The following TENT4A variants were observed in gnomAD, a reference collection of about 807,000 sequenced individuals.
The protein encoded by TENT4A is terminal nucleotidyltransferase 4A.
In TENT4A, 7 loss-of-function variants were observed where a neutral mutation model predicts 72.8. The observed-to-expected ratio is 0.10, with a 90% CI of 0.05 to 0.18. TENT4A has a LOEUF of 0.18. TENT4A is among the 10% of genes least tolerant of loss of function. The pLI is 1.00. For synonymous variants in TENT4A, 456 were observed against 434.3 expected (o/e 1.05, Z -0.62); for missense variants, 831 against 1,017.7 (o/e 0.82, Z 2.50).
At chr5:6,734,935 G>A (rs759968035) in intron 1 of TENT4A, among the ~76,000 whole-genome samples, 65 of 152,346 alleles carry the variant, frequency 4.3e-4, no homozygotes, top group Non-Finnish European at 7.8e-4. Context: ...TGTTATCTCC[G>A]TGCTCTTCCT....
chr5:6,751,587 A>G (rs1336246922), intron 11 of TENT4A: 2 of 172,030 alleles, frequency 1.2e-5, no homozygotes, highest in East Asian at 3.2e-4. Flanking sequence ...CAGAATCTCA[A>G]TGAAAGTTTT....
Position 6,714,060 on chromosome 5 carries a change from C to T in TENT4A, c.77C>T (p.Thr26Ile), listed in dbSNP as rs1183098370. 2.0e-6 allele frequency: 2 copies of T among 996,054 alleles called. No homozygotes were observed. The highest frequency in any genetic ancestry group is 2.4e-6 in the Non-Finnish European group (2 of 837,476). 61.7% of individuals were successfully genotyped at this position (996,054 alleles called of 1,614,324 possible). The change falls in exon 1 of 13, where the codon ACC becomes ATC. Residue 26 changes from threonine to isoleucine, a missense_variant. By Grantham distance (89) the Thr-to-Ile change is moderately conservative. Around this residue, in one of 3 missense-constraint regions of TENT4A, gnomAD observed 302 missense variants for 293.8 expected, o/e 1.03. Transcript: ENST00000230859. ...ANALWMQIWE[T>I]SQGVGRGGSG... ...GCCCTGTGGATGCAGATCTGGGAGACCTCGCAGGGCGTGGGCCGCGGCGGC... is the reference window on the plus strand; with the variant it reads ...GCCCTGTGGATGCAGATCTGGGAGATCTCGCAGGGCGTGGGCCGCGGCGGC...
chr5:6,721,070 C>G (rs1334343146), intron 1 of TENT4A, among the ~76,000 whole-genome samples: 1 of 152,148 alleles, frequency 6.6e-6, no homozygotes, highest in Non-Finnish European at 1.5e-5. Context: ...GTGTTTGGCT[C>G]TTGTGGAGTT....
intron 6 of TENT4A, among the ~76,000 whole-genome samples, chr5:6,745,208 G>C (rs932434176): frequency 1.3e-5 from 2 of 152,226 alleles, no homozygotes; most frequent in Non-Finnish European, 2.9e-5. Context: ...TAAAGGTCAG[G>C]CCAGAATCGG....
At chr5:6,726,135 C>T (rs1022551934) in intron 1 of TENT4A, among the ~76,000 whole-genome samples, 3 of 152,132 alleles carry the variant, frequency 2.0e-5, no homozygotes, top group Admixed American at 6.5e-5. Context: ...ACTGTTGCAC[C>T]GAACCCTTAC....
chr5:6,714,763 T>TCCTGGCCGGCGCCCGCGGA, intron 1 of TENT4A, 64 bp downstream of exon 1: 3 of 937,254 alleles, frequency 3.2e-6, no homozygotes, highest in Non-Finnish European at 4.1e-6. Flanking sequence ...GCGCCCGCGG[T>TCCTGGCCGGCGCCCGCGGA]GCAGACACCC....
intron 10 of TENT4A, chr5:6,750,798 T>G: frequency 2.0e-6 from 1 of 511,996 alleles, no homozygotes; most frequent in East Asian, 3.2e-5. Flanking sequence ...ATTTGAAGAT[T>G]AAAAAAAAAA....
intron 1 of TENT4A, among the ~76,000 whole-genome samples, chr5:6,721,905 T>C (rs910372863): frequency 3.9e-5 from 6 of 152,238 alleles, no homozygotes; most frequent in African/African-American, 1.2e-4. Context: ...TTAGGTGATT[T>C]CTGTCTTTCC....
intron 11 of TENT4A, 164 bp downstream of exon 11, chr5:6,751,361 G>A: frequency 4.3e-6 from 3 of 705,346 alleles, no homozygotes; most frequent in Non-Finnish European, 7.1e-6. Context: ...TTTTTGTGGT[G>A]TTGAGGTCCC....
At chr5:6,720,342 C>G (rs1026796675) in intron 1 of TENT4A, among the ~76,000 whole-genome samples, 1 of 152,108 alleles carries the variant, frequency 6.6e-6, no homozygotes, top group Non-Finnish European at 1.5e-5. Context: ...CTTCCCCTGG[C>G]ATAGAATCCG....
chr5:6,737,917 TTTTTTTTTTTG>T (rs1741592398), intron 2 of TENT4A, among the ~76,000 whole-genome samples: 1 of 150,816 alleles, frequency 6.6e-6, no homozygotes, highest in African/African-American at 2.4e-5. Flanking sequence ...GGGTTTTTTT[TTTTTTTTTTTG>T]GAAGGGGGAG....
chr5:6,716,280 G>C (rs2126590753), intron 1 of TENT4A, among the ~76,000 whole-genome samples: 1 of 152,184 alleles, frequency 6.6e-6, no homozygotes, highest in Non-Finnish European at 1.5e-5. Flanking sequence ...GGACGGCATG[G>C]GAGACACAGT....
chr5:6,751,121 C>G lies in TENT4A; in HGVS notation c.1943C>G (p.Pro648Arg). 6.2e-7 allele frequency: 1 copy of G among 1,614,178 alleles called. No individual in the cohort carries two copies. Among genetic ancestry groups the G allele is most frequent in the Middle Eastern group, 1.6e-4 (1 of 6,062 alleles). The change falls in exon 11 of 13, where the codon CCC (proline) becomes CGC (arginine). Residue 648 changes from proline (P) to arginine (R), a missense_variant. Pro to Arg is a moderately radical substitution (Grantham distance 103). Coordinates refer to ENST00000230859, the MANE Select transcript of TENT4A (RefSeq NM_006999.6). ...CCAGCTCCTCTCATGGCCGGCTTAC[C>G]CACCGCCTTGCCAATGCCCAGTGGC... is the stretch of plus-strand genomic sequence containing the variant. ...QAPAPLMAGL[P>R]TALPMPSGKP...
Position 6,714,197 on chromosome 5 carries a change from T to A in TENT4A, c.214T>A (p.Ser72Thr). 2 of 479,428 alleles carry A rather than the reference T, an allele frequency of 4.2e-6. No homozygotes were observed. The highest frequency in any genetic ancestry group is 5.3e-6 in the Non-Finnish European group (2 of 379,840). 29.7% of individuals were successfully genotyped at this position (479,428 alleles called of 1,614,324 possible). ...GGLGPALPAA[S>T]PPPPGPTAPA... Reference sequence around the variant, plus strand: ...CCTGGGCCCCGCGCTGCCCGCCGCGTCGCCCCCGCCGCCCGGCCCCACCGC... The same window carrying A: ...CCTGGGCCCCGCGCTGCCCGCCGCGACGCCCCCGCCGCCCGGCCCCACCGC... Residue 72 changes from serine (S) to threonine (T), a missense_variant, in exon 1 of 13, where the codon TCG becomes ACG. Transcript: ENST00000230859.
intron 9 of TENT4A, 93 bp from the exon 10 acceptor site, chr5:6,750,238 T>A: frequency 9.7e-7 from 1 of 1,027,916 alleles, no homozygotes; most frequent in East Asian, 2.8e-5. Context: ...TTAGCAGCGT[T>A]CCCGGCTCAG....
chr5:6,743,242 C>A (rs1378931495), intron 5 of TENT4A, among the ~76,000 whole-genome samples: 1 of 152,166 alleles, frequency 6.6e-6, no homozygotes, highest in African/African-American at 2.4e-5. Flanking sequence ...CCCTTGTCAT[C>A]TGGTCTGAGG....
chr5:6,742,330 C>T (rs943179654), intron 4 of TENT4A, among the ~76,000 whole-genome samples, 160 bp from the exon 5 acceptor site: 7 of 152,116 alleles, frequency 4.6e-5, no homozygotes, highest in African/African-American at 9.7e-5. Flanking sequence ...GCCTGGGAGT[C>T]GTCCTGGGTT....
intron 11 of TENT4A, among the ~76,000 whole-genome samples, chr5:6,752,630 A>C (rs954268994): frequency 2.0e-5 from 3 of 152,222 alleles, no homozygotes; most frequent in African/African-American, 7.2e-5. Flanking sequence ...ATCTTCAATG[A>C]GTTTCAAACT....
In TENT4A at chr5:6,750,341, C is replaced by G. The variant is rs1299257045; in HGVS notation, c.1698C>G (p.Ile566Met). The change falls in exon 10 of 13, where the codon ATC becomes ATG. Residue 566 changes from isoleucine to methionine, a missense_variant. Physicochemically the swap from Ile to Met is conservative, Grantham distance 10. This residue lies in a region of TENT4A where 332 missense variants were observed against 324.3 expected (regional missense o/e 1.02). Transcript: ENST00000230859. ...TTTTTCCCTCCACAGACAGCAGGAT[C>G]AAGATCAAAGAGCGAATAGCCACAT... ...AHPSPGMDSRIKIKERIATCN... is the reference protein window; with the variant it reads ...AHPSPGMDSRMKIKERIATCN... 1 of 1,610,402 alleles carries G rather than the reference C, an allele frequency of 6.2e-7. No homozygotes were observed. Among genetic ancestry groups the G allele is most frequent in the East Asian group, 2.2e-5 (1 of 44,528 alleles).
Sources: gnomAD v4.1 joint callset for allele counts (sites outside exome capture counted in the v4.1 genomes callset) on GRCh38, gnomAD v4.1.1 for gene constraint, gnomAD v4.1.1 regional missense constraint, MANE v1.5 for transcripts, NCBI Gene and HGNC (gene_info 2026-07-23, HGNC 2026-07-21) for gene names.